The following ZC3H6 variants were observed in gnomAD, a reference collection of about 807,000 sequenced individuals.
The protein encoded by ZC3H6 is zinc finger CCCH domain-containing protein 6.
In ZC3H6, 40 loss-of-function variants were observed where a neutral mutation model predicts 107.7. The observed-to-expected ratio is 0.37, with a 90% confidence interval of 0.29 to 0.48. The LOEUF (loss-of-function observed/expected upper bound fraction) is 0.48, where lower values mean the gene tolerates loss of function less well. Ranked by LOEUF, ZC3H6 falls within the 20% of genes least tolerant of loss-of-function variation. The pLI is 0.98. For synonymous variants in ZC3H6, 493 were observed against 487.9 expected, an observed-to-expected ratio of 1.01 and a Z score of -0.14; for missense variants, 1,267 against 1,410.4, an observed-to-expected ratio of 0.90 and a Z score of 1.63.
At chr2:112,299,735 C>A in intron 1 of ZC3H6, 114 bp from the exon 2 acceptor site, 2 of 815,322 alleles carry the variant, frequency 2.5e-6, no homozygotes, top group Non-Finnish European at 3.4e-6. Flanking sequence ...TTTTCAAGTG[C>A]TTGTCTAAAT....
In ZC3H6 at chr2:112,334,800, A is replaced by G. The variant is rs1429038536; in HGVS notation, c.*2312A>G. 2 of 152,598 alleles carry G rather than the reference A, an allele frequency of 1.3e-5. No individual in the cohort carries two copies. The highest frequency in any genetic ancestry group is 6.5e-5 in the Admixed American group (1 of 15,276). The allele number at this position is 152,598 out of a possible 1,614,324, so 9.5% of individuals were successfully genotyped here. Reference sequence around the variant, plus strand: ...ATTTTCTCATACAAATTGAATAAGTAGCCATTTTCCCCCAATGAATACCTC... The same window carrying G: ...ATTTTCTCATACAAATTGAATAAGTGGCCATTTTCCCCCAATGAATACCTC... On this transcript the variant is annotated 3_prime_UTR_variant, in exon 12 of 12. Transcript: ENST00000409871.
At chr2:112,295,887 T>G (rs1330690069) in intron 1 of ZC3H6, among the ~76,000 whole-genome samples, 1 of 152,192 alleles carries the variant, frequency 6.6e-6, no homozygotes, top group African/African-American at 2.4e-5. Context: ...GTTTACTTTG[T>G]TTTTAAATAG....
intron 1 of ZC3H6, among the ~76,000 whole-genome samples, chr2:112,296,862 C>T (rs1676247637): frequency 6.6e-6 from 1 of 152,160 alleles, no homozygotes; most frequent in African/African-American, 2.4e-5. Flanking sequence ...ACATAATGTA[C>T]AGAGTGCAAT....
In ZC3H6 at chr2:112,332,332, A is replaced by C. The variant is rs780350233; in HGVS notation, c.3414A>C (p.Thr1138=). ...AVHSLPVQAL[T]GLIRPQYSDP... is the part of the protein sequence containing the mutation. ...ACAGCCTTCCTGTTCAGGCATTAAC[A>C]GGCTTAATTAGGCCACAGTACAGTG... The change falls in exon 12 of 12, where the codon ACA becomes ACC. Residue 1138 remains threonine (T), a synonymous_variant. Coordinates refer to ENST00000409871, the MANE Select transcript of ZC3H6 (RefSeq NM_198581.3). 6.2e-7 allele frequency: 1 copy of C among 1,613,986 alleles called. No homozygotes were observed. The highest frequency in any genetic ancestry group is 8.5e-7 in the Non-Finnish European group (1 of 1,179,878).
intron 7 of ZC3H6, among the ~76,000 whole-genome samples, chr2:112,320,232 C>G (rs1676776745): frequency 6.6e-6 from 1 of 152,096 alleles, no homozygotes; most frequent in Non-Finnish European, 1.5e-5. Context: ...TGGGCCCAGC[C>G]TATACACATA....
intron 1 of ZC3H6, among the ~76,000 whole-genome samples, chr2:112,292,188 C>A (rs1676134102): frequency 6.6e-6 from 1 of 152,184 alleles, no homozygotes; most frequent in Non-Finnish European, 1.5e-5. Flanking sequence ...CTTTTGAGTG[C>A]ACAGACTGGG....
chr2:112,300,127 T>A (rs1285187720), intron 2 of ZC3H6, 98 bp downstream of exon 2: 1 of 783,144 alleles, frequency 1.3e-6, no homozygotes, highest in Admixed American at 4.1e-5. Flanking sequence ...TTATAAAACA[T>A]GTGGATTAGA....
At chr2:112,302,543 A>G (rs1029665352) in intron 2 of ZC3H6, among the ~76,000 whole-genome samples, 2 of 152,108 alleles carry the variant, frequency 1.3e-5, no homozygotes. Context: ...TTTCATTGCT[A>G]GGAAATGTAA....
chr2:112,281,981 C>G (rs1249525119), intron 1 of ZC3H6, among the ~76,000 whole-genome samples: 1 of 152,084 alleles, frequency 6.6e-6, no homozygotes. Flanking sequence ...GGCCTAAAAT[C>G]TGCCTATACT....
rs1470605195 is a variant in ZC3H6, at chr2:112,332,288, G to A, written c.3370G>A (p.Val1124Ile). Residue 1124 changes from valine to isoleucine, a missense_variant, in exon 12 of 12, where the codon GTT becomes ATT. Physicochemically the swap from Val to Ile is conservative, Grantham distance 29 (BLOSUM62 3). Around this residue, in one of 3 missense-constraint regions of ZC3H6, gnomAD observed 925 missense variants for 1,025.7 expected, o/e 0.90. Transcript: ENST00000409871. Reference protein sequence around the residue: ...QADVPRSSGKVQVPAVHSLPV... With the variant: ...QADVPRSSGKIQVPAVHSLPV... ...GGACGTTCCCAGGAGTTCTGGTAAG[G>A]TTCAGGTCCCAGCAGTGCACAGCCT... 1 of 1,613,904 alleles carries A rather than the reference G, an allele frequency of 6.2e-7. No homozygotes were observed. Among genetic ancestry groups the A allele is most frequent in the Non-Finnish European group, 8.5e-7 (1 of 1,179,876 alleles).
At chr2:112,320,068 G>T (rs1676772625) in intron 7 of ZC3H6, among the ~76,000 whole-genome samples, 1 of 152,162 alleles carries the variant, frequency 6.6e-6, no homozygotes, top group Admixed American at 6.5e-5. Flanking sequence ...GAGTAGCTGG[G>T]ATTACAGGCA....
chr2:112,321,278 C>T (rs1321872229), intron 7 of ZC3H6, among the ~76,000 whole-genome samples: 1 of 151,720 alleles, frequency 6.6e-6, no homozygotes, highest in Non-Finnish European at 1.5e-5. Flanking sequence ...GCTCTTGCTA[C>T]AAAATTTATA....
At chr2:112,321,931 A>T in intron 8 of ZC3H6, 66 bp downstream of exon 8, 1 of 689,008 alleles carries the variant, frequency 1.5e-6, no homozygotes, top group South Asian at 2.5e-5. Context: ...ATCATATTTT[A>T]TAAGTGATAT....
intron 1 of ZC3H6, among the ~76,000 whole-genome samples, chr2:112,296,283 TCATACAGTA>T (rs1277820872): frequency 2.0e-5 from 3 of 152,214 alleles, no homozygotes; most frequent in Non-Finnish European, 2.9e-5. Flanking sequence ...ATACATGAAA[TCATACAGTA>T]CTGTCTTGTG....
rs1316873039 is a variant in ZC3H6, at chr2:112,293,631, A to G, written c.33-6218A>G. 7.2e-5 allele frequency among the ~76,000 whole-genome samples: 11 copies of G among 152,334 alleles called. No individual in the cohort carries two copies. The East Asian group carries it at 2.1e-3, about 29-fold the overall frequency. On this transcript the variant is annotated intron_variant, in intron 1 of 11. Transcript: ENST00000409871. ...TTCCATGGCCCCAGTGTGAGCAGAC[A>G]GTATTTTCCTTGAGGAGAAATACTA...
intron 1 of ZC3H6, among the ~76,000 whole-genome samples, chr2:112,281,390 A>G (rs988732814): frequency 3.9e-5 from 6 of 152,176 alleles, no homozygotes; most frequent in Non-Finnish European, 5.9e-5. Flanking sequence ...GGGGGATTAA[A>G]CAGAGGAGGG....
intron 11 of ZC3H6, among the ~76,000 whole-genome samples, chr2:112,327,829 G>C (rs986132533): frequency 2.7e-4 from 41 of 151,976 alleles, no homozygotes; most frequent in Non-Finnish European, 4.4e-5. Flanking sequence ...TAGATGTATG[G>C]GTTTCTTTCT....
intron 1 of ZC3H6, among the ~76,000 whole-genome samples, chr2:112,280,597 A>G (rs1686509325): frequency 6.6e-6 from 1 of 152,164 alleles, no homozygotes; most frequent in African/African-American, 2.4e-5. Flanking sequence ...TGGTAAATAC[A>G]TAGTATAGCA....
At chr2:112,285,989 G>A (rs1184873609) in intron 1 of ZC3H6, 1 of 195,572 alleles carries the variant, frequency 5.1e-6, no homozygotes, top group Non-Finnish European at 1.1e-5. Context: ...ACTTTCTGTT[G>A]TTGTTGTTTG....
Sources: gnomAD v4.1 joint callset for allele counts (sites outside exome capture counted in the v4.1 genomes callset) on GRCh38, gnomAD v4.1.1 for gene constraint, gnomAD v4.1.1 regional missense constraint, MANE v1.5 for transcripts, NCBI Gene and HGNC (gene_info 2026-07-23, HGNC 2026-07-21) for gene names.